Variants in SLC43A3 observed in about 807,000 individuals in gnomAD.
SLC43A3 encodes solute carrier family 43 member 3.
In SLC43A3, 33 loss-of-function variants were observed where a neutral mutation model predicts 53.3. The observed-to-expected ratio is 0.62, with a 90% CI of 0.47 to 0.83. The LOEUF (loss-of-function observed/expected upper bound fraction) is 0.83, where lower values mean the gene tolerates loss of function less well. SLC43A3 is among the 40% of genes least tolerant of loss of function. The probability of loss-of-function intolerance (pLI) is 0.00; values close to 1 mark genes in which losing one functional copy is unlikely to be tolerated. For synonymous variants in SLC43A3, 236 were observed against 246.2 expected (o/e 0.96, Z 0.39); for missense variants, 530 against 610.0 (o/e 0.87, Z 1.38).
At chr11:57,419,501 G>C (rs1455349464) in intron 7 of SLC43A3, among the ~76,000 whole-genome samples, 1 of 152,072 alleles carries the variant, frequency 6.6e-6, no homozygotes, top group African/African-American at 2.4e-5. Context: ...TCCAACTCTA[G>C]AGAGACAGGA....
At chr11:57,413,313 T>C (rs998290310) in intron 11 of SLC43A3, among the ~76,000 whole-genome samples, 3 of 152,148 alleles carry the variant, frequency 2.0e-5, no homozygotes, top group African/African-American at 7.2e-5. Context: ...TGGATCCTAA[T>C]TGGAACAAAC....
At chr11:57,423,609 T>A (rs1057406633) in intron 5 of SLC43A3, 5 of 167,080 alleles carry the variant, frequency 3.0e-5, no homozygotes, top group Non-Finnish European at 6.5e-5. Flanking sequence ...GTATTTTTTT[T>A]AGTAGAGAAG....
chr11:57,426,414 A>C (rs1273809845), intron 2 of SLC43A3, 62 bp from the exon 3 acceptor site: 2 of 544,534 alleles, frequency 3.7e-6, no homozygotes, highest in Non-Finnish European at 6.6e-6. Context: ...AAGGTAGACT[A>C]GAGTTATTTG....
chr11:57,414,485 C>A (rs1465107441), intron 11 of SLC43A3, 130 bp downstream of exon 11: 5 of 558,680 alleles, frequency 8.9e-6, no homozygotes, highest in Non-Finnish European at 1.5e-5. Context: ...CCAGCCTGGG[C>A]AACAGAGTAA....
At chr11:57,412,767 C>A (rs942114543) in intron 11 of SLC43A3, among the ~76,000 whole-genome samples, 25 of 150,558 alleles carry the variant, frequency 1.7e-4, no homozygotes, top group African/African-American at 5.6e-4. Context: ...GAGATTACGC[C>A]ACTGCACTCC....
At chr11:57,421,451 C>A in intron 5 of SLC43A3, 78 bp from the exon 6 acceptor site, 1 of 1,035,900 alleles carries the variant, frequency 9.7e-7, no homozygotes, top group South Asian at 1.4e-5. Flanking sequence ...CTCCCACCTG[C>A]TCCAAATTCC....
At chr11:57,410,310 C>T (rs1942393915) in intron 11 of SLC43A3, among the ~76,000 whole-genome samples, 189 bp from the exon 12 acceptor site, 1 of 152,182 alleles carries the variant, frequency 6.6e-6, no homozygotes, top group Non-Finnish European at 1.5e-5. Flanking sequence ...GCTGATCATT[C>T]ACCTCCTACA....
intron 11 of SLC43A3, among the ~76,000 whole-genome samples, chr11:57,412,449 C>A (rs1942516771): frequency 6.6e-6 from 1 of 152,158 alleles, no homozygotes; most frequent in African/African-American, 2.4e-5. Flanking sequence ...GCATTTATTT[C>A]TGGGTAACAA....
chr11:57,423,857 C>T, intron 5 of SLC43A3, 125 bp downstream of exon 5: 1 of 762,878 alleles, frequency 1.3e-6, no homozygotes, highest in South Asian at 1.7e-5. Context: ...AGGATTCTTT[C>T]AAGCTGCAGA....
chr11:57,425,470 A>G, intron 4 of SLC43A3, 71 bp downstream of exon 4: 1 of 1,534,822 alleles, frequency 6.5e-7, no homozygotes, highest in African/African-American at 1.4e-5. Context: ...TCTGGATTTC[A>G]CTCCAAGCTA....
chr11:57,415,967 A>C (rs895972807), intron 9 of SLC43A3, among the ~76,000 whole-genome samples: 1 of 152,190 alleles, frequency 6.6e-6, no homozygotes, highest in African/African-American at 2.4e-5. Context: ...AGCAGTTAAA[A>C]TCTACTTGTT....
At chr11:57,421,257 G>T in intron 6 of SLC43A3, 40 bp downstream of exon 6, 1 of 1,544,008 alleles carries the variant, frequency 6.5e-7, no homozygotes, top group Non-Finnish European at 8.9e-7. Context: ...CCACCTTCCC[G>T]CCACCCTGCC....
In SLC43A3 at chr11:57,426,370, A is replaced by C; in HGVS notation, c.-180-18T>G. 1.7e-6 allele frequency: 1 copy of C among 584,600 alleles called. No homozygotes were observed. Among genetic ancestry groups the C allele is most frequent in the South Asian group, 2.2e-5 (1 of 44,616 alleles). The allele number at this position is 584,600 out of a possible 1,614,324, so 36.2% of individuals were successfully genotyped here. ...TCTGGATCCTGTAGAATAAAGATAG[A>C]GGCTGCTGGAAGAGGAGGCCTGCGG... On this transcript the variant is annotated intron_variant, in intron 2 of 13. Coordinates refer to ENST00000395124, the MANE Select transcript of SLC43A3 (RefSeq NM_199329.3).
At chr11:57,411,257 G>A (rs890049306) in intron 11 of SLC43A3, among the ~76,000 whole-genome samples, 1 of 151,808 alleles carries the variant, frequency 6.6e-6, no homozygotes, top group African/African-American at 2.4e-5. Flanking sequence ...ATAATAGGAA[G>A]AAAACAAGTA....
chr11:57,421,348 G>A lies in SLC43A3; in HGVS notation c.387C>T (p.Ala129=). Residue 129 remains alanine, a synonymous_variant, in exon 6 of 14, where the codon GCC becomes GCT. Coordinates refer to ENST00000395124, the MANE Select transcript of SLC43A3 (RefSeq NM_199329.3). ...SAGSAVLLFL[A]MPMLTIGGIL... is the part of the protein sequence containing the mutation. Reference sequence around the variant, plus strand: ...TTCCCCCAATGGTGAGCATTGGCATGGCCAGGAAGAGCAGCACGGCTGAGC... The same window carrying A: ...TTCCCCCAATGGTGAGCATTGGCATAGCCAGGAAGAGCAGCACGGCTGAGC... 1 of 1,613,982 alleles carries A rather than the reference G, an allele frequency of 6.2e-7. No individual in the cohort carries two copies. The highest frequency in any genetic ancestry group is 8.5e-7 in the Non-Finnish European group (1 of 1,179,960).
At chr11:57,413,995 T>C (rs1425410305) in intron 11 of SLC43A3, among the ~76,000 whole-genome samples, 1 of 152,224 alleles carries the variant, frequency 6.6e-6, no homozygotes, top group East Asian at 1.9e-4. Context: ...TATGTGCGCT[T>C]CTTTGTGCCC....
At chr11:57,409,811 C>T in intron 12 of SLC43A3, 124 bp downstream of exon 12, 1 of 916,744 alleles carries the variant, frequency 1.1e-6, no homozygotes, top group Non-Finnish European at 1.6e-6. Flanking sequence ...CACACCTGCC[C>T]CCAAACCCAG....
rs1432797768 is a variant in SLC43A3 at position 57,421,215 on chromosome 11, A to T, written c.438+82T>A. 3.7e-6 allele frequency: 5 copies of T among 1,351,692 alleles called. No individual in the cohort carries two copies. The African/African-American group carries it at 4.3e-5, about 12-fold the overall frequency. 83.7% of individuals were successfully genotyped at this position (1,351,692 alleles called of 1,614,324 possible). A position where few individuals can be genotyped will look rare whatever the true frequency, so the allele number is the denominator to read the frequency against. On this transcript the variant is annotated intron_variant, in intron 6 of 13. Transcript: ENST00000395124. Reference sequence around the variant, plus strand: ...AGCTTGGGCCAACCCCATCTGAGGCAGCCAATTATAGAAAAGGGTCTCTCC... The same window carrying T: ...AGCTTGGGCCAACCCCATCTGAGGCTGCCAATTATAGAAAAGGGTCTCTCC...
chr11:57,416,706 A>C (rs1002423467), intron 8 of SLC43A3, 36 bp from the exon 9 acceptor site: 1 of 1,534,272 alleles, frequency 6.5e-7, no homozygotes, highest in Non-Finnish European at 9.0e-7. Context: ...AAGGCCAAGG[A>C]CTGTGAGCCG....
Sources: allele counts gnomAD v4.1 joint callset (sites outside exome capture counted in the v4.1 genomes callset), GRCh38; gene constraint gnomAD v4.1.1; transcripts MANE v1.5; gene names NCBI Gene and HGNC (gene_info 2026-07-23, HGNC 2026-07-21).